Variants in MYH8 observed in about 807,000 individuals in gnomAD.
MYH8 encodes myosin-8.
Under a neutral mutation model 233.2 loss-of-function variants are expected in MYH8, and 168 were observed. That is an observed-to-expected ratio of 0.72 (90% confidence interval 0.64 to 0.82). The LOEUF (loss-of-function observed/expected upper bound fraction) is 0.82. Ranked by LOEUF, MYH8 falls within the 40% of genes least tolerant of loss-of-function variation. The pLI is 0.00. For missense variants in MYH8, 1,995 were observed against 2,327.8 expected, an observed-to-expected ratio of 0.86 and a Z score of 2.94; for synonymous variants, 785 against 850.6, an observed-to-expected ratio of 0.92 and a Z score of 1.34.
intron 34 of MYH8, 78 bp downstream of exon 34, chr17:10,395,055 C>T: frequency 1.0e-5 from 15 of 1,506,978 alleles, no homozygotes; most frequent in South Asian, 2.3e-5. Flanking sequence ...AAAAAAGGAT[C>T]GTTTAACAAG....
intron 35 of MYH8, among the ~76,000 whole-genome samples, 177 bp from the exon 36 acceptor site, chr17:10,393,387 C>A (rs1025529306): frequency 6.6e-6 from 1 of 152,234 alleles, no homozygotes; most frequent in African/African-American, 2.4e-5. Context: ...TTTCCCCCAA[C>A]TTCCCCAGTG....
intron 15 of MYH8, 57 bp from the exon 16 acceptor site, chr17:10,409,645 A>G (rs934702977): frequency 1.2e-6 from 2 of 1,601,006 alleles, no homozygotes; most frequent in Non-Finnish European, 1.7e-6. Flanking sequence ...AGATAGAGAC[A>G]TGGTGGCTGT....
At chr17:10,398,051 C>G (rs2072095777) in intron 30 of MYH8, among the ~76,000 whole-genome samples, 1 of 152,142 alleles carries the variant, frequency 6.6e-6, no homozygotes, top group South Asian at 2.1e-4. Context: ...TTTATTTAGG[C>G]CAACCCTAAA....
In MYH8 at chr17:10,401,104, G is replaced by A. The variant is rs2072136397; in HGVS notation, c.3196C>T (p.Gln1066Ter). The change falls in exon 25 of 40, where the codon CAA becomes TAA. Residue 1066 changes from glutamine to a stop codon, truncating the protein, a stop_gained. Transcript: ENST00000403437. LOFTEE classifies it high-confidence loss of function. ...TTTTCCATATCCATTGTGGATTCTTGGGCCAATTTGAGGTCACCCTCCAGT... is the reference window on the plus strand; with the variant it reads ...TTTTCCATATCCATTGTGGATTCTTAGGCCAATTTGAGGTCACCCTCCAGT... ...RKLEGDLKLA[Q>*]ESTMDMENDK... The A allele has an allele frequency of 6.2e-7, 1 of 1,613,874 alleles. No homozygotes were observed. Among genetic ancestry groups the A allele is most frequent in the Admixed American group, 1.7e-5 (1 of 59,982 alleles).
In MYH8 at chr17:10,406,707, A is replaced by G. The variant is rs2072197182; in HGVS notation, c.2154T>C (p.Tyr718=). The G allele has an allele frequency of 6.2e-7, 1 of 1,613,946 alleles. No individual in the cohort carries two copies. The highest frequency in any genetic ancestry group is 8.5e-7 in the Non-Finnish European group (1 of 1,179,836). Residue 718 remains tyrosine, a synonymous_variant, in exon 19 of 40, where the codon TAT becomes TAC. Transcript: ENST00000403437. ...AGACTGACCTTTGTTTGAAATCACCATATAAGATTCTGCTTGGGAATCCTT... is the reference window on the plus strand; with the variant it reads ...AGACTGACCTTTGTTTGAAATCACCGTATAAGATTCTGCTTGGGAATCCTT... ...CRKGFPSRIL[Y]GDFKQRYKVL...
Position 10,396,535 on chromosome 17 carries a change from A to C in MYH8, c.4528+18T>G, listed in dbSNP as rs2072080005. The C allele has an allele frequency of 1.2e-6, 2 of 1,613,792 alleles. No homozygotes were observed. On this transcript the variant is annotated intron_variant, in intron 32 of 39. Coordinates refer to ENST00000403437, the MANE Select transcript of MYH8 (RefSeq NM_002472.3). The surrounding 1 kb of genome is among the most constrained non-coding windows in gnomAD (Gnocchi z 4.2). ...CCTCCCAGGGATATATGGAGTAGGGAGGACTGTGAGGACTCACGTTGCAAG... is the reference window on the plus strand; with the variant it reads ...CCTCCCAGGGATATATGGAGTAGGGCGGACTGTGAGGACTCACGTTGCAAG...
chr17:10,399,673 C>A lies in MYH8; in HGVS notation c.3736-4G>T, dbSNP rs57196626. The A allele has an allele frequency of 1.2e-6, 2 of 1,613,870 alleles. No individual in the cohort carries two copies. Among genetic ancestry groups the A allele is most frequent in the Admixed American group, 1.7e-5 (1 of 60,020 alleles). On this transcript the variant is annotated splice_region_variant and splice_polypyrimidine_tract_variant and intron_variant, in intron 27 of 39. Coordinates refer to ENST00000403437, the MANE Select transcript of MYH8 (RefSeq NM_002472.3). ...GGCACATCTTTTCAAGGTTTCCCTA[C>A]AGGATATGTAGCAATGAAAGATGAG...
Position 10,398,591 on chromosome 17 carries a change from T to C in MYH8, c.4031A>G (p.Asp1344Gly). The C allele has an allele frequency of 6.2e-7, 1 of 1,614,198 alleles. No individual in the cohort carries two copies. Among genetic ancestry groups the C allele is most frequent in the South Asian group, 1.1e-5 (1 of 91,082 alleles). Reference protein sequence around the residue: ...HALQSSRHDCDLLREQYEEEQ... With the variant: ...HALQSSRHDCGLLREQYEEEQ... ...TTCCTCATACTGTTCCCGCAGCAGG[T>C]CGCAGTCATGGCGGGAGGACTGCAG... is the stretch of plus-strand genomic sequence containing the variant. Residue 1344 changes from aspartate to glycine, a missense_variant, in exon 30 of 40, where the codon GAC becomes GGC. Physicochemically the swap from Asp to Gly is moderately conservative, Grantham distance 94. This residue lies in a region of MYH8 where 1,498 missense variants were observed against 1,680.9 expected (regional missense o/e 0.89). Coordinates refer to ENST00000403437, the MANE Select transcript of MYH8 (RefSeq NM_002472.3).
At chr17:10,411,940 G>A (rs1254379109) in intron 14 of MYH8, among the ~76,000 whole-genome samples, 1 of 152,156 alleles carries the variant, frequency 6.6e-6, no homozygotes, top group Non-Finnish European at 1.5e-5. Flanking sequence ...ACTATCATCT[G>A]TCTCTAGGCT....
In MYH8 at chr17:10,396,603, T is replaced by C. The variant is rs757608378; in HGVS notation, c.4478A>G (p.Glu1493Gly). The C allele has an allele frequency of 9.3e-6, 15 of 1,614,206 alleles. 1 individual carries two copies. The South Asian group carries it at 1.1e-4, about 12-fold the overall frequency. Reference sequence around the variant, plus strand: ...TAGCGTTTCGAGTTGATCCAGGGATTCCTCATAGACATTCTTCACCTTGAA... The same window carrying C: ...TAGCGTTTCGAGTTGATCCAGGGATCCCTCATAGACATTCTTCACCTTGAA... ...ELFKVKNVYE[E>G]SLDQLETLRR... is the part of the protein sequence containing the mutation. The change falls in exon 32 of 40, where the codon GAA becomes GGA. Residue 1493 changes from glutamate to glycine, a missense_variant. By Grantham distance (98) the Glu-to-Gly change is moderately conservative (BLOSUM62 -2). Around this residue, in one of 3 missense-constraint regions of MYH8, gnomAD observed 1,498 missense variants for 1,680.9 expected, o/e 0.89. Transcript: ENST00000403437. This position sits in a 1 kb window ranked among gnomAD's most constrained non-coding sequence, Gnocchi z 4.2.
chr17:10,394,293 C>G lies in MYH8; in HGVS notation c.5122G>C (p.Glu1708Gln), dbSNP rs745600958. 3.1e-6 allele frequency: 5 copies of G among 1,613,878 alleles called. No individual in the cohort carries two copies. Among genetic ancestry groups the G allele is most frequent in the Admixed American group, 1.7e-5 (1 of 59,984 alleles). Residue 1708 changes from glutamate (E) to glutamine (Q), a missense_variant, in exon 35 of 40, where the codon GAG (glutamate) becomes CAG (glutamine). Transcript: ENST00000403437. ...TERSRKIAEQ[E>Q]LLDASERVQL... ...ACACGCTCACTGGCATCCAGGAGCT[C>G]CTGTTCGGCGATTTTCCTGCTTCTC...
intron 2 of MYH8, among the ~76,000 whole-genome samples, chr17:10,420,728 T>C (rs1367106078): frequency 6.6e-6 from 1 of 152,242 alleles, no homozygotes; most frequent in Non-Finnish European, 1.5e-5. Flanking sequence ...CCATTTTCTC[T>C]CATAAAGCAA....
intron 21 of MYH8, among the ~76,000 whole-genome samples, chr17:10,405,568 G>A (rs1180142791): frequency 6.6e-6 from 1 of 152,196 alleles, no homozygotes; most frequent in Non-Finnish European, 1.5e-5. Context: ...ATGCAATAGT[G>A]TTGGGTAGAT....
chr17:10,405,756 G>A (rs1027495945), intron 21 of MYH8, among the ~76,000 whole-genome samples: 1 of 152,186 alleles, frequency 6.6e-6, no homozygotes, highest in Non-Finnish European at 1.5e-5. Context: ...GATGAGGTGG[G>A]GAATAGAGAG....
intron 10 of MYH8, 40 bp from the exon 11 acceptor site, chr17:10,414,335 A>T (rs2072270774): frequency 6.2e-7 from 1 of 1,602,238 alleles, no homozygotes; most frequent in Non-Finnish European, 8.6e-7. Context: ...TACATTAGAC[A>T]TTGTTAATAA....
intron 30 of MYH8, among the ~76,000 whole-genome samples, chr17:10,397,244 T>C (rs1486441981): frequency 3.9e-5 from 6 of 152,120 alleles, no homozygotes; most frequent in Non-Finnish European, 8.8e-5. Flanking sequence ...GCCCAGCTAA[T>C]TTTTGTATAT....
At position 10,400,650 on chromosome 17, in the gene MYH8, C is replaced by T; in HGVS notation, c.3475G>A (p.Ala1159Thr). 1.9e-6 allele frequency: 3 copies of T among 1,614,198 alleles called. No individual in the cohort carries two copies. Among genetic ancestry groups the T allele is most frequent in the Middle Eastern group, 1.7e-4 (1 of 6,048 alleles). Residue 1159 changes from alanine (A) to threonine (T), a missense_variant, in exon 27 of 40, where the codon GCA becomes ACA. Physicochemically the swap from Ala to Thr is moderately conservative, Grantham distance 58 (BLOSUM62 0). This residue lies in a region of MYH8 where 1,498 missense variants were observed against 1,680.9 expected (regional missense o/e 0.89). Transcript: ENST00000403437. This position sits in a 1 kb window ranked among gnomAD's most constrained non-coding sequence, Gnocchi z 4.0. ...ISERLEEAGG[A>T]TSAQVELNKK... ...TTCAATTCCACCTGAGCAGAAGTTG[C>T]CCCACCGGCTTCTTCCAGCCTCTCG... is the stretch of plus-strand genomic sequence containing the variant.
chr17:10,416,187 G>A (rs1390939531), intron 5 of MYH8, among the ~76,000 whole-genome samples: 2 of 152,152 alleles, frequency 1.3e-5, no homozygotes, highest in Non-Finnish European at 2.9e-5. Context: ...GGTACCTCAT[G>A]TAAGAGGAAT....
At position 10,394,411 on chromosome 17, in the gene MYH8, C is replaced by T; in HGVS notation, c.5004G>A (p.Glu1668=). The change falls in exon 35 of 40, where the codon GAG becomes GAA. Residue 1668 remains glutamate, a synonymous_variant. Coordinates refer to ENST00000403437, the MANE Select transcript of MYH8 (RefSeq NM_002472.3). The part of the protein sequence containing the change: ...LHLDDALRGQ[E]DLKEQLAIVE... ...CAATTGCCAGCTGTTCCTTGAGGTC[C>T]TCCTGGCCCCGGAGAGCATCATCCA... The T allele has an allele frequency of 1.9e-6, 3 of 1,614,196 alleles. No individual in the cohort carries two copies. The highest frequency in any genetic ancestry group is 1.3e-5 in the African/African-American group (1 of 75,038).
Sources: allele counts gnomAD v4.1 joint callset (sites outside exome capture counted in the v4.1 genomes callset), GRCh38; gene constraint gnomAD v4.1.1; regional missense constraint gnomAD v4.1.1; non-coding constraint Gnocchi (gnomAD v3.1); transcripts MANE v1.5; gene names NCBI Gene and HGNC (gene_info 2026-07-23, HGNC 2026-07-21).